The following TXNRD1 variants were observed in gnomAD, a reference collection of about 807,000 sequenced individuals.
TXNRD1 encodes thioredoxin reductase 1, cytoplasmic.
In TXNRD1, 57 loss-of-function variants were observed where a neutral mutation model predicts 80.3. That is an observed-to-expected ratio of 0.71 (90% CI 0.57 to 0.89). TXNRD1 has a LOEUF of 0.89. TXNRD1 is among the 40% of genes least tolerant of loss of function. TXNRD1 has a pLI of 0.00. For synonymous variants in TXNRD1, 291 were observed against 285.2 expected, an observed-to-expected ratio of 1.02 and a Z score of -0.20; for missense variants, 730 against 803.0, an observed-to-expected ratio of 0.91 and a Z score of 1.10.
intron 16 of TXNRD1, 177 bp downstream of exon 16, chr12:104,339,450 C>T (rs770666944): frequency 2.3e-6 from 2 of 855,426 alleles, no homozygotes; most frequent in Non-Finnish European, 4.0e-6. Context: ...ATGGTATGAA[C>T]TGGAGGCTTC....
intron 4 of TXNRD1, chr12:104,303,627 C>T: frequency 2.8e-6 from 1 of 352,268 alleles, no homozygotes; most frequent in South Asian, 5.2e-5. Flanking sequence ...GGGAGCGCCG[C>T]GCTGGTCTAT....
intron 3 of TXNRD1, among the ~76,000 whole-genome samples, chr12:104,278,807 C>A (rs1311657366): frequency 6.6e-6 from 1 of 152,130 alleles, no homozygotes; most frequent in East Asian, 1.9e-4. Flanking sequence ...AGCCTCTGAT[C>A]AAATTCTTAA....
chr12:104,245,728 G>A (rs572414020), intron 1 of TXNRD1, among the ~76,000 whole-genome samples: 1 of 151,110 alleles, frequency 6.6e-6, no homozygotes, highest in South Asian at 2.1e-4. Context: ...CAAAAGAATA[G>A]TATTAGCTTG....
At chr12:104,302,005 T>C (rs2034645014) in intron 4 of TXNRD1, among the ~76,000 whole-genome samples, 1 of 152,234 alleles carries the variant, frequency 6.6e-6, no homozygotes, top group East Asian at 1.9e-4. Flanking sequence ...TTTTAAGTTA[T>C]ACATTCAGTA....
At chr12:104,313,894 G>A (rs2035226996) in intron 6 of TXNRD1, among the ~76,000 whole-genome samples, 1 of 152,132 alleles carries the variant, frequency 6.6e-6, no homozygotes, top group Admixed American at 6.5e-5. Flanking sequence ...AATTAATATA[G>A]TGGCATAGAG....
chr12:104,245,597 C>G (rs920832744), intron 1 of TXNRD1, among the ~76,000 whole-genome samples: 2 of 137,928 alleles, frequency 1.5e-5, no homozygotes, highest in African/African-American at 5.5e-5. Flanking sequence ...AGCCGAGATC[C>G]GAGATGGAGC....
chr12:104,346,178 A>AATAC (rs1565918961), intron 16 of TXNRD1: 1 of 325,126 alleles, frequency 3.1e-6, no homozygotes, highest in East Asian at 8.0e-5. Flanking sequence ...GTTTCCAGCT[A>AATAC]ATATATATAT....
chr12:104,304,890 C>T lies in TXNRD1; in HGVS notation c.415-6400C>T, dbSNP rs894932620. 9 of 1,611,042 alleles carry T rather than the reference C, an allele frequency of 5.6e-6. No homozygotes were observed. Among genetic ancestry groups the T allele is most frequent in the African/African-American group, 4.0e-5 (3 of 74,702 alleles). ...TTACAGGAGTGGAAAAACATTGTGG[C>T]AGCTTTTGAAATTTCTGAGGCTATG... is the stretch of plus-strand genomic sequence containing the variant. On this transcript the variant is annotated intron_variant, in intron 4 of 16. Coordinates refer to ENST00000525566, the MANE Select transcript of TXNRD1 (RefSeq NM_001093771.3).
chr12:104,246,480 A>G (rs1698033027), intron 1 of TXNRD1, among the ~76,000 whole-genome samples: 1 of 151,410 alleles, frequency 6.6e-6, no homozygotes, highest in Non-Finnish European at 1.5e-5. Flanking sequence ...TTATCAAGTC[A>G]TCATTGCCAT....
intron 3 of TXNRD1, chr12:104,265,259 A>C: frequency 2.6e-6 from 4 of 1,509,936 alleles, no homozygotes; most frequent in Non-Finnish European, 3.6e-6. Flanking sequence ...TTAAAAAAAA[A>C]AAAAAAAAAA....
At chr12:104,305,415 G>C (rs901406647) in intron 4 of TXNRD1, among the ~76,000 whole-genome samples, 21 of 152,162 alleles carry the variant, frequency 1.4e-4, no homozygotes, top group Admixed American at 1.1e-3. Context: ...GACTAAAAAA[G>C]TCATTGCAAG....
intron 4 of TXNRD1, among the ~76,000 whole-genome samples, chr12:104,302,486 CTTTTTTTTTTT>C (rs772202256): frequency 3.9e-5 from 3 of 76,226 alleles, no homozygotes; most frequent in Non-Finnish European, 6.8e-5. Context: ...TATTCATTCC[CTTTTTTTTTTT>C]TTTTTTTTTT....
chr12:104,230,493 T>C (rs1363232678), intron 1 of TXNRD1, among the ~76,000 whole-genome samples: 2 of 152,224 alleles, frequency 1.3e-5, no homozygotes. Flanking sequence ...TTATTGTCTA[T>C]CTTTTTTATT....
At chr12:104,262,874 G>A (rs1016804632) in intron 3 of TXNRD1, among the ~76,000 whole-genome samples, 2 of 151,718 alleles carry the variant, frequency 1.3e-5, no homozygotes, top group African/African-American at 2.4e-5. Context: ...TGGAGTGAGT[G>A]CCCCATGAAT....
intron 7 of TXNRD1, 69 bp from the exon 8 acceptor site, chr12:104,318,844 G>A: frequency 6.5e-7 from 1 of 1,543,738 alleles, no homozygotes. Context: ...CACTTGAGTG[G>A]TTATTGAGAA....
At chr12:104,218,011 T>C (rs1054735406) in intron 1 of TXNRD1, among the ~76,000 whole-genome samples, 4 of 151,902 alleles carry the variant, frequency 2.6e-5, no homozygotes, top group East Asian at 3.9e-4. Flanking sequence ...CAAAATGGAA[T>C]ATATATACAC....
At chr12:104,234,353 G>T (rs1315097217) in intron 1 of TXNRD1, among the ~76,000 whole-genome samples, 5 of 152,240 alleles carry the variant, frequency 3.3e-5, no homozygotes, top group Admixed American at 2.6e-4. Context: ...GGAGTGCAGT[G>T]GCATGATCTC....
intron 3 of TXNRD1, among the ~76,000 whole-genome samples, chr12:104,275,037 A>G (rs1271973317): frequency 6.6e-6 from 1 of 152,238 alleles, no homozygotes; most frequent in African/African-American, 2.4e-5. Context: ...ATGTGTGTAC[A>G]TGTAATGCAG....
chr12:104,335,717 G>A (rs1270593330), intron 15 of TXNRD1, among the ~76,000 whole-genome samples: 2 of 152,074 alleles, frequency 1.3e-5, no homozygotes, highest in Admixed American at 6.6e-5. Flanking sequence ...ACTTTTTAAA[G>A]AAACGACCTC....
Sources: allele counts gnomAD v4.1 joint callset (sites outside exome capture counted in the v4.1 genomes callset), GRCh38; gene constraint gnomAD v4.1.1; transcripts MANE v1.5; gene names NCBI Gene and HGNC (gene_info 2026-07-23, HGNC 2026-07-21).